Variants in ROBO2 observed in about 807,000 individuals in gnomAD.
The protein encoded by ROBO2 is roundabout guidance receptor 2, also known as roundabout homolog 2.
In ROBO2, 53 loss-of-function variants were observed where a neutral mutation model predicts 160.8. The observed-to-expected ratio is 0.33, with a 90% CI of 0.26 to 0.41. The LOEUF (loss-of-function observed/expected upper bound fraction) is 0.41. Ranked by LOEUF, ROBO2 falls within the 10% of genes least tolerant of loss-of-function variation. The pLI is 1.00. For missense variants in ROBO2, 1,577 were observed against 1,722.4 expected (o/e 0.92, Z 1.49); for synonymous variants, 664 against 611.7 (o/e 1.09, Z -1.26).
intron 2 of ROBO2, among the ~76,000 whole-genome samples, chr3:76,834,171 T>TTCTTTCTTTCTCTCTC (rs755070628): frequency 8.5e-6 from 1 of 117,010 alleles, no homozygotes; most frequent in East Asian, 3.1e-4. Context: ...CTTTCTTTCT[T>TTCTTTCTTTCTCTCTC]TCTCTCTCTC....
At chr3:77,104,853 T>C (rs1424793657) in intron 2 of ROBO2, among the ~76,000 whole-genome samples, 2 of 152,254 alleles carry the variant, frequency 1.3e-5, no homozygotes, top group Admixed American at 6.5e-5. Context: ...ATAGAACAAT[T>C]AACCATATGG....
At chr3:76,372,453 C>T (rs559663934) in intron 2 of ROBO2, among the ~76,000 whole-genome samples, 1 of 151,802 alleles carries the variant, frequency 6.6e-6, no homozygotes, top group African/African-American at 2.4e-5. Context: ...AGGGCTTAAC[C>T]TTTTGTTTGA....
chr3:77,421,740 A>G (rs2077732122), intron 2 of ROBO2, among the ~76,000 whole-genome samples: 1 of 152,126 alleles, frequency 6.6e-6, no homozygotes, highest in Non-Finnish European at 1.5e-5. Context: ...TGATAAGCAG[A>G]TAGATATAGA....
chr3:77,258,328 A>G (rs1288072040), intron 2 of ROBO2, among the ~76,000 whole-genome samples: 5 of 152,228 alleles, frequency 3.3e-5, no homozygotes, highest in Admixed American at 6.5e-5. Flanking sequence ...AACCTGTGAG[A>G]GAGGGAAATA....
chr3:76,818,311 C>T lies in ROBO2; in HGVS notation c.110-279703C>T, dbSNP rs538550891. Among the ~76,000 whole-genome samples, 84 of 151,816 alleles carry T rather than the reference C, an allele frequency of 5.5e-4. 2 individuals are homozygous for T. The South Asian group carries it at 0.017, about 31-fold the overall frequency. On this transcript the variant is annotated intron_variant, in intron 2 of 26. Coordinates refer to the ROBO2 transcript ENST00000487694. ...ATCTTGTTTTGAGAATTGTCTATTC[C>T]TGTCCTTATCCCACTTTTTGATGGG...
chr3:76,765,623 A>G (rs1435484821), intron 2 of ROBO2, among the ~76,000 whole-genome samples: 1 of 151,688 alleles, frequency 6.6e-6, no homozygotes, highest in Non-Finnish European at 1.5e-5. Flanking sequence ...TTCCTGTTGG[A>G]GAGGCCATCT....
intron 2 of ROBO2, among the ~76,000 whole-genome samples, chr3:76,839,045 A>ATT (rs1426603979): frequency 6.6e-6 from 1 of 152,166 alleles, no homozygotes; most frequent in Non-Finnish European, 1.5e-5. Flanking sequence ...TGCAATCTAG[A>ATT]TGTTCTTTAA....
At chr3:76,769,065 TATGATTTTTC>T (rs2061732251) in intron 2 of ROBO2, among the ~76,000 whole-genome samples, 2 of 151,464 alleles carry the variant, frequency 1.3e-5, no homozygotes, top group Admixed American at 1.3e-4. Flanking sequence ...CCCAACTAAA[TATGATTTTTC>T]ATCCTTGGCC....
At chr3:76,760,705 C>T (rs1286742043) in intron 2 of ROBO2, among the ~76,000 whole-genome samples, 1 of 88,166 alleles carries the variant, frequency 1.1e-5, no homozygotes, top group Non-Finnish European at 2.3e-5. Context: ...AGTATCTTAC[C>T]TCTGAGTCGG....
At chr3:76,276,921 C>T (rs1044376638) in intron 2 of ROBO2, among the ~76,000 whole-genome samples, 12 of 151,782 alleles carry the variant, frequency 7.9e-5, no homozygotes, top group South Asian at 4.2e-4. Context: ...TATCTTATCT[C>T]GGGGATGGGA....
chr3:76,905,362 G>GA (rs1419252397), intron 2 of ROBO2, among the ~76,000 whole-genome samples: 2 of 152,094 alleles, frequency 1.3e-5, no homozygotes, highest in Non-Finnish European at 2.9e-5. Context: ...AAAAAAGTCG[G>GA]AAACTATCAA....
In ROBO2 at chr3:77,563,257, G is replaced by T. The variant is rs1461186443; in HGVS notation, c.1610G>T (p.Ser537Ile). Residue 537 changes from serine (S) to isoleucine (I), a missense_variant, in exon 11 of 26, where the codon AGT becomes ATT. Ser to Ile is a moderately radical substitution (Grantham distance 142). Transcript: ENST00000461745. Reference sequence around the variant, plus strand: ...CAGGTCACTGATGTTACTAAGAACAGTGTCACCTTGTCCTGGCAGCCAGGT... The same window carrying T: ...CAGGTCACTGATGTTACTAAGAACATTGTCACCTTGTCCTGGCAGCCAGGT... 3.1e-6 allele frequency: 5 copies of T among 1,613,592 alleles called. No individual in the cohort carries two copies. In the South Asian group the frequency reaches 4.4e-5, roughly 14 times the overall value.
At chr3:76,461,155 T>A (rs928726860) in intron 2 of ROBO2, among the ~76,000 whole-genome samples, 1 of 152,250 alleles carries the variant, frequency 6.6e-6, no homozygotes, top group Admixed American at 6.5e-5. Context: ...AGGAAACTTA[T>A]AATCATGGCA....
At chr3:76,341,453 T>G (rs1303155625) in intron 2 of ROBO2, among the ~76,000 whole-genome samples, 1 of 149,562 alleles carries the variant, frequency 6.7e-6, no homozygotes, top group Non-Finnish European at 1.5e-5. Context: ...GAAAAATATG[T>G]GTTTGAAGAA....
intron 2 of ROBO2, among the ~76,000 whole-genome samples, chr3:76,103,113 A>G (rs1438647302): frequency 6.6e-6 from 1 of 152,084 alleles, no homozygotes; most frequent in East Asian, 1.9e-4. Flanking sequence ...GTGAGCCACC[A>G]CGCCCGGCCA....
chr3:76,221,134 A>G (rs1304373314), intron 2 of ROBO2, among the ~76,000 whole-genome samples: 1 of 152,232 alleles, frequency 6.6e-6, no homozygotes, highest in Non-Finnish European at 1.5e-5. Flanking sequence ...ACCCCAGGCA[A>G]TATTGACTGT....
In ROBO2 at chr3:76,194,361, T is replaced by TATATATATATAC. The variant is rs1225965895; in HGVS notation, c.109+256770_109+256771insCATATATATATA. 1.1e-3 allele frequency among the ~76,000 whole-genome samples: 113 copies of TATATATATATAC among 106,006 alleles called. 2 individuals carry two copies. The highest frequency in any genetic ancestry group is 4.5e-3 in the African/African-American group (110 of 24,570). The allele number at this position is 106,006 out of a possible 152,430, so 69.5% of individuals were successfully genotyped here. ...AATATGTATGGTGTGTAAATATATATATATATATATATATATATATATATA... is the reference window on the plus strand; with the variant it reads ...AATATGTATGGTGTGTAAATATATATATATATATATACATATATATATATATATATATATATA... On this transcript the variant is annotated intron_variant, in intron 2 of 26. Transcript: ENST00000487694.
intron 2 of ROBO2, among the ~76,000 whole-genome samples, chr3:77,468,740 T>C (rs1161467177): frequency 6.6e-6 from 1 of 152,210 alleles, no homozygotes; most frequent in African/African-American, 2.4e-5. Context: ...CACAGGGCAT[T>C]CTTGTTTATT....
chr3:77,116,459 C>G (rs2074209610), intron 2 of ROBO2, among the ~76,000 whole-genome samples: 2 of 152,142 alleles, frequency 1.3e-5, no homozygotes, highest in African/African-American at 4.8e-5. Flanking sequence ...TTTTTGCAAG[C>G]CACCATTGTC....
Sources: allele counts gnomAD v4.1 joint callset (sites outside exome capture counted in the v4.1 genomes callset), GRCh38; gene constraint gnomAD v4.1.1; transcripts MANE v1.5; gene names NCBI Gene and HGNC (gene_info 2026-07-23, HGNC 2026-07-21).